Variants in SPAG16 observed in about 807,000 individuals in gnomAD.
SPAG16 encodes sperm associated antigen 16.
In SPAG16, 86 loss-of-function variants were observed where a neutral mutation model predicts 80.4. The observed-to-expected ratio is 1.07, with a 90% CI of 0.90 to 1.28. The LOEUF is 1.28. Among genes scored for constraint, SPAG16 ranks in the 50% most tolerant of loss-of-function variants. The pLI is 0.00. For missense variants in SPAG16, 870 were observed against 765.3 expected (o/e 1.14, Z -1.61); for synonymous variants, 294 against 265.9 (o/e 1.11, Z -1.03).
intron 15 of SPAG16, among the ~76,000 whole-genome samples, chr2:214,359,234 G>A (rs914259462): frequency 6.6e-6 from 1 of 151,770 alleles, no homozygotes; most frequent in African/African-American, 2.4e-5. Flanking sequence ...CCATTATATA[G>A]ATGAGAAAAT....
chr2:213,867,150 A>G (rs1395258324), intron 11 of SPAG16, among the ~76,000 whole-genome samples: 3 of 152,202 alleles, frequency 2.0e-5, no homozygotes, highest in African/African-American at 7.2e-5. Context: ...CTTTCGTCAC[A>G]GTGTAACTCA....
At chr2:213,434,263 C>T (rs339823) in intron 9 of SPAG16, among the ~76,000 whole-genome samples, 3,662 of 151,912 alleles carry the variant, frequency 0.024, 149 homozygotes, top group African/African-American at 0.083. Context: ...ATTGGATAGC[C>T]GGATGCAGAA....
chr2:214,226,011 A>G (rs114125474), intron 15 of SPAG16, among the ~76,000 whole-genome samples: 2,508 of 152,270 alleles, frequency 0.016, 41 homozygotes, highest in African/African-American at 0.038. Flanking sequence ...GAAAGCCAAC[A>G]GTGGGACTTC....
At chr2:213,612,229 C>A (rs2061461278) in intron 10 of SPAG16, among the ~76,000 whole-genome samples, 1 of 151,972 alleles carries the variant, frequency 6.6e-6, no homozygotes, top group African/African-American at 2.4e-5. Flanking sequence ...TTTGAATTAG[C>A]AAACATGTAG....
At chr2:214,141,003 C>T (rs1004182599) in intron 14 of SPAG16, among the ~76,000 whole-genome samples, 1 of 150,028 alleles carries the variant, frequency 6.7e-6, no homozygotes. Flanking sequence ...TTGGTATTGC[C>T]ATAACAATAA....
chr2:213,829,793 T>G (rs2073522924), intron 10 of SPAG16, among the ~76,000 whole-genome samples: 1 of 152,142 alleles, frequency 6.6e-6, no homozygotes, highest in African/African-American at 2.4e-5. Flanking sequence ...TCTAGAAATG[T>G]CATGCAGGAA....
chr2:213,581,893 C>G (rs1055967055), intron 10 of SPAG16, among the ~76,000 whole-genome samples: 1 of 152,074 alleles, frequency 6.6e-6, no homozygotes, highest in Non-Finnish European at 1.5e-5. Context: ...GCAACTTGCC[C>G]TTTCATTTAA....
At chr2:214,208,689 C>A (rs1024854740) in intron 15 of SPAG16, among the ~76,000 whole-genome samples, 1 of 151,936 alleles carries the variant, frequency 6.6e-6, no homozygotes, top group Non-Finnish European at 1.5e-5. Context: ...TGCAATCAGA[C>A]CTTGGTGATG....
intron 6 of SPAG16, among the ~76,000 whole-genome samples, chr2:213,350,191 T>C (rs1008601090): frequency 1.6e-4 from 24 of 152,198 alleles, no homozygotes; most frequent in Admixed American, 7.9e-4. Context: ...GTCTTTCTGA[T>C]AGTTATTTCC....
intron 11 of SPAG16, among the ~76,000 whole-genome samples, chr2:213,882,419 G>C (rs2076379489): frequency 6.6e-6 from 1 of 152,084 alleles, no homozygotes; most frequent in African/African-American, 2.4e-5. Context: ...ATATCTGTTA[G>C]AATTCAGCTG....
intron 10 of SPAG16, among the ~76,000 whole-genome samples, chr2:213,645,343 C>T (rs934566531): frequency 6.6e-6 from 1 of 151,922 alleles, no homozygotes; most frequent in Non-Finnish European, 1.5e-5. Context: ...TGGTGCTCTG[C>T]CTTCCTGTGG....
intron 3 of SPAG16, among the ~76,000 whole-genome samples, chr2:213,303,947 G>T (rs978118310): frequency 1.3e-5 from 2 of 151,860 alleles, no homozygotes; most frequent in African/African-American, 4.8e-5. Context: ...TAGTTTTTTT[G>T]GGGAACATCT....
At chr2:213,872,344 T>TG (rs75070597) in intron 11 of SPAG16, among the ~76,000 whole-genome samples, 91,785 of 151,884 alleles carry the variant, frequency 0.6, 29,302 homozygotes, top group South Asian at 0.85. Context: ...TGTTATGTTA[T>TG]CCACTAAGTT....
At chr2:213,716,985 G>T (rs1476320666) in intron 10 of SPAG16, among the ~76,000 whole-genome samples, 1 of 151,772 alleles carries the variant, frequency 6.6e-6, no homozygotes, top group African/African-American at 2.4e-5. Context: ...TTTTTTTCCT[G>T]ATAAAATTGT....
At chr2:213,491,703 C>T (rs2125734173) in intron 10 of SPAG16, among the ~76,000 whole-genome samples, 1 of 152,226 alleles carries the variant, frequency 6.6e-6, no homozygotes, top group Non-Finnish European at 1.5e-5. Flanking sequence ...GGAAAAGCTT[C>T]TATTAAATGA....
chr2:213,660,311 C>T (rs1230258820), intron 10 of SPAG16, among the ~76,000 whole-genome samples: 1 of 150,314 alleles, frequency 6.7e-6, no homozygotes. Flanking sequence ...CACTTTGTTG[C>T]CAGGCTTGAG....
chr2:213,428,338 A>C (rs2070075461), intron 9 of SPAG16, among the ~76,000 whole-genome samples: 1 of 152,126 alleles, frequency 6.6e-6, no homozygotes, highest in African/African-American at 2.4e-5. Flanking sequence ...CCTGAATCTA[A>C]ATTGGAGAGA....
intron 11 of SPAG16, among the ~76,000 whole-genome samples, chr2:213,908,670 G>A (rs2077526514): frequency 6.6e-6 from 1 of 152,048 alleles, no homozygotes; most frequent in African/African-American, 2.4e-5. Context: ...AACAAAGGAA[G>A]AGTATAGTAT....
chr2:214,352,843 A>AT (rs1424664158), intron 15 of SPAG16, among the ~76,000 whole-genome samples: 2 of 148,148 alleles, frequency 1.3e-5, no homozygotes, highest in African/African-American at 2.4e-5. Context: ...TTTAACATAC[A>AT]TTTTATTTTG....
Sources: gnomAD v4.1 joint callset for allele counts (sites outside exome capture counted in the v4.1 genomes callset) on GRCh38, gnomAD v4.1.1 for gene constraint, MANE v1.5 for transcripts, NCBI Gene and HGNC (gene_info 2026-07-23, HGNC 2026-07-21) for gene names.